The following GRXCR1 variants were observed in gnomAD, a reference collection of about 807,000 sequenced individuals.
GRXCR1 encodes glutaredoxin and cysteine rich domain containing 1.
In GRXCR1, 27 loss-of-function variants were observed where a neutral mutation model predicts 27.3. The ratio of observed to expected loss-of-function variants is 0.99; its 90% CI spans 0.73 to 1.37. The LOEUF is 1.37. GRXCR1 is among the 40% of genes most tolerant of loss of function. The pLI is 0.00. For missense variants in GRXCR1, 379 were observed against 354.4 expected (o/e 1.07, Z -0.56); for synonymous variants, 122 against 131.1 (o/e 0.93, Z 0.47).
chr4:42,942,109 G>A (rs1387987852), intron 1 of GRXCR1, among the ~76,000 whole-genome samples: 3 of 151,910 alleles, frequency 2.0e-5, no homozygotes, highest in African/African-American at 4.8e-5. Context: ...CTAGAGCATC[G>A]TAATTGGAAA....
At chr4:42,988,690 A>C (rs1711858352) in intron 2 of GRXCR1, among the ~76,000 whole-genome samples, 1 of 152,212 alleles carries the variant, frequency 6.6e-6, no homozygotes, top group Non-Finnish European at 1.5e-5. Context: ...AGAACCTATA[A>C]TATGGTGTGC....
At chr4:42,962,499 C>T (rs540061503) in intron 1 of GRXCR1, among the ~76,000 whole-genome samples, 1 of 151,954 alleles carries the variant, frequency 6.6e-6, no homozygotes, top group East Asian at 1.9e-4. Context: ...TGGCTAAATG[C>T]ATTATAACCT....
rs1746268238 is a variant in GRXCR1, at chr4:42,893,054, G to C, written c.-213G>C. On this transcript the variant is annotated 5_prime_UTR_variant, in exon 1 of 4. Coordinates refer to ENST00000399770, the MANE Select transcript of GRXCR1 (RefSeq NM_001080476.3). ...GGCTGAGATCATTTTGCGGGTTTTAGTTTAAAGGTAACCATAGCACACACA... is the reference window on the plus strand; with the variant it reads ...GGCTGAGATCATTTTGCGGGTTTTACTTTAAAGGTAACCATAGCACACACA... Among the ~76,000 whole-genome samples, 1 of 152,084 alleles carries C rather than the reference G, an allele frequency of 6.6e-6. No homozygotes were observed.
intron 1 of GRXCR1, among the ~76,000 whole-genome samples, chr4:42,906,084 T>A (rs1299826542): frequency 4.6e-5 from 7 of 152,340 alleles, no homozygotes; most frequent in Admixed American, 2.0e-4. Flanking sequence ...CTATTTTTTT[T>A]AAATCCATAT....
At position 42,971,152 on chromosome 4, in the gene GRXCR1, C is replaced by A. The variant is rs904288952; in HGVS notation, c.627+8018C>A. Among the ~76,000 whole-genome samples, 10 of 152,036 alleles carry A rather than the reference C, an allele frequency of 6.6e-5. No individual in the cohort carries two copies. The East Asian group carries it at 1.7e-3, about 26-fold the overall frequency. The stretch of plus-strand genomic sequence containing the variant: ...AAAATTCCTCAAGTTCATTTGAGAC[C>A]ACTTCAGCCTGGACATCATTGTCCA... On this transcript the variant is annotated intron_variant, in intron 2 of 3. Transcript: ENST00000399770.
chr4:43,002,260 C>T (rs1489540764), intron 2 of GRXCR1, among the ~76,000 whole-genome samples: 1 of 152,402 alleles, frequency 6.6e-6, no homozygotes, highest in African/African-American at 2.4e-5. Flanking sequence ...CCCACGAGGC[C>T]ATATTTCAGA....
chr4:42,956,195 T>C (rs1476788186), intron 1 of GRXCR1, among the ~76,000 whole-genome samples: 1 of 152,116 alleles, frequency 6.6e-6, no homozygotes, highest in Non-Finnish European at 1.5e-5. Flanking sequence ...CTAAGATTCA[T>C]CTTTTTAATA....
At chr4:43,025,083 A>G (rs1451536936) in intron 3 of GRXCR1, among the ~76,000 whole-genome samples, 1 of 152,162 alleles carries the variant, frequency 6.6e-6, no homozygotes, top group African/African-American at 2.4e-5. Flanking sequence ...TCCTGTTTCT[A>G]TATTGCATAA....
intron 1 of GRXCR1, among the ~76,000 whole-genome samples, chr4:42,950,716 T>A (rs1747863664): frequency 6.6e-6 from 1 of 152,144 alleles, no homozygotes; most frequent in Admixed American, 6.6e-5. Context: ...TACAACTCTC[T>A]TGTAGGCGAG....
intron 2 of GRXCR1, among the ~76,000 whole-genome samples, chr4:42,998,698 A>T (rs942274706): frequency 1.3e-5 from 2 of 152,206 alleles, no homozygotes; most frequent in African/African-American, 4.8e-5. Flanking sequence ...CAAACATTTC[A>T]TGTGTTCTGA....
chr4:42,973,471 T>A (rs1019820665), intron 2 of GRXCR1, among the ~76,000 whole-genome samples: 1 of 151,766 alleles, frequency 6.6e-6, no homozygotes, highest in Admixed American at 6.6e-5. Context: ...TCCTTGCCGA[T>A]GTTTTTTTTT....
At chr4:42,960,282 A>C (rs1178468146) in intron 1 of GRXCR1, among the ~76,000 whole-genome samples, 2 of 152,010 alleles carry the variant, frequency 1.3e-5, no homozygotes, top group African/African-American at 2.4e-5. Flanking sequence ...CTAATGCAGT[A>C]ATAGTAGTCT....
At chr4:42,933,818 A>G (rs957997017) in intron 1 of GRXCR1, among the ~76,000 whole-genome samples, 5 of 151,854 alleles carry the variant, frequency 3.3e-5, no homozygotes, top group African/African-American at 4.8e-5. Context: ...CTGTTGTTTA[A>G]AGCCACCCAG....
At chr4:42,955,309 G>T (rs183630519) in intron 1 of GRXCR1, among the ~76,000 whole-genome samples, 1 of 152,086 alleles carries the variant, frequency 6.6e-6, no homozygotes, top group South Asian at 2.1e-4. Context: ...TGTGATGTAA[G>T]TGACCGATAC....
chr4:42,924,872 G>A (rs1036906321), intron 1 of GRXCR1, among the ~76,000 whole-genome samples: 13 of 152,036 alleles, frequency 8.6e-5, no homozygotes, highest in Admixed American at 2.6e-4. Flanking sequence ...TACATCTGGC[G>A]TCAGGGAAGT....
rs546502531 is a variant in GRXCR1, at chr4:42,903,510, A to C, written c.384+9860A>C. Among the ~76,000 whole-genome samples the C allele has an allele frequency of 1.6e-4, 23 of 146,300 alleles. 1 individual carries two copies. The highest frequency in any genetic ancestry group is 2.5e-4 in the Non-Finnish European group (17 of 66,988). ...GTATTTTTTAGTAGAAATGGGGTTT[A>C]ACCATGTTAGCCAGGATGGTCTCTA... On this transcript the variant is annotated intron_variant, in intron 1 of 3. Coordinates refer to ENST00000399770, the MANE Select transcript of GRXCR1 (RefSeq NM_001080476.3).
chr4:42,953,879 A>G (rs887953057), intron 1 of GRXCR1, among the ~76,000 whole-genome samples: 1 of 152,020 alleles, frequency 6.6e-6, no homozygotes, highest in Non-Finnish European at 1.5e-5. Flanking sequence ...TTTTCTATGC[A>G]TTTAATCATT....
intron 2 of GRXCR1, among the ~76,000 whole-genome samples, chr4:43,004,877 A>T (rs1712505003): frequency 6.6e-6 from 1 of 152,198 alleles, no homozygotes; most frequent in South Asian, 2.1e-4. Context: ...TAATGCTGGA[A>T]GGAGTTAAGA....
At chr4:42,932,617 T>G (rs3963490) in intron 1 of GRXCR1, among the ~76,000 whole-genome samples, 1,329 of 28,826 alleles carry the variant, frequency 0.046, 25 homozygotes, top group African/African-American at 0.094. Flanking sequence ...TATATATATA[T>G]ATAGAGAGAG....
Sources: gnomAD v4.1 joint callset for allele counts (sites outside exome capture counted in the v4.1 genomes callset) on GRCh38, gnomAD v4.1.1 for gene constraint, MANE v1.5 for transcripts, NCBI Gene and HGNC (gene_info 2026-07-23, HGNC 2026-07-21) for gene names.